LUZP2: variants seen among roughly 807,000 people sequenced by gnomAD.
The protein encoded by LUZP2 is leucine zipper protein 2.
Under a neutral mutation model 51.6 loss-of-function variants are expected in LUZP2, and 52 were observed. The observed-to-expected ratio is 1.01, with a 90% CI of 0.81 to 1.27. The LOEUF (loss-of-function observed/expected upper bound fraction) is 1.27. Among genes scored for constraint, LUZP2 ranks in the 50% most tolerant of loss-of-function variants. The probability of loss-of-function intolerance (pLI) is 0.00; values close to 1 mark genes in which losing one functional copy is unlikely to be tolerated. For missense variants in LUZP2, 436 were observed against 395.4 expected, an observed-to-expected ratio of 1.10 and a Z score of -0.87; for synonymous variants, 154 against 137.3, an observed-to-expected ratio of 1.12 and a Z score of -0.85.
intron 1 of LUZP2, 58 bp downstream of exon 1, chr11:24,497,363 C>T: frequency 1.5e-6 from 2 of 1,358,032 alleles, no homozygotes; most frequent in Non-Finnish European, 2.0e-6. Context: ...CGAGGTTGGT[C>T]CTACTGTGGG....
intron 5 of LUZP2, among the ~76,000 whole-genome samples, chr11:24,884,851 G>A (rs1013669829): frequency 3.3e-5 from 5 of 152,016 alleles, no homozygotes; most frequent in Non-Finnish European, 7.4e-5. Flanking sequence ...GGTTGTTTTT[G>A]CCCCATTCCC....
At chr11:24,792,530 A>G (rs1386250) in intron 5 of LUZP2, among the ~76,000 whole-genome samples, 107,801 of 151,914 alleles carry the variant, frequency 0.71, 39,632 homozygotes, top group East Asian at 0.85. Flanking sequence ...TTTTTTGCTT[A>G]TATTACCACA....
intron 7 of LUZP2, among the ~76,000 whole-genome samples, chr11:24,937,047 A>AACAC (rs138164177): frequency 0.014 from 2,053 of 149,662 alleles, 18 homozygotes; most frequent in East Asian, 0.036. Flanking sequence ...TGCAATGAGA[A>AACAC]ACACACACAC....
chr11:25,013,344 A>G (rs527608834), intron 9 of LUZP2, among the ~76,000 whole-genome samples: 1 of 152,260 alleles, frequency 6.6e-6, no homozygotes, highest in Admixed American at 6.5e-5. Context: ...AATGTAGTGT[A>G]CTTGGGTGAG....
At chr11:25,073,532 T>G (rs2134058297) in intron 10 of LUZP2, among the ~76,000 whole-genome samples, 1 of 150,628 alleles carries the variant, frequency 6.6e-6, no homozygotes, top group African/African-American at 2.4e-5. Context: ...GTTAGCCTAA[T>G]ACAGGAAAGC....
chr11:24,832,345 A>G (rs1048950024), intron 5 of LUZP2, among the ~76,000 whole-genome samples: 1 of 151,904 alleles, frequency 6.6e-6, no homozygotes, highest in Admixed American at 6.6e-5. Context: ...AAATAAAATA[A>G]AATAATAGTC....
chr11:24,661,259 A>G (rs920341270), intron 1 of LUZP2, among the ~76,000 whole-genome samples: 2 of 152,140 alleles, frequency 1.3e-5, no homozygotes, highest in Non-Finnish European at 2.9e-5. Context: ...ACATTCAATA[A>G]TAAAATGTTA....
intron 7 of LUZP2, among the ~76,000 whole-genome samples, chr11:24,917,429 T>C (rs1300228809): frequency 6.6e-6 from 1 of 152,212 alleles, no homozygotes; most frequent in East Asian, 1.9e-4. Flanking sequence ...TCCTGAATGG[T>C]ATTGCCTAGG....
At chr11:24,940,169 A>G (rs1046924637) in intron 7 of LUZP2, among the ~76,000 whole-genome samples, 1 of 152,208 alleles carries the variant, frequency 6.6e-6, no homozygotes, top group Admixed American at 6.6e-5. Flanking sequence ...ACACATTGAA[A>G]TCTACTACTT....
chr11:24,638,758 AAAAT>A (rs1243295135), intron 1 of LUZP2, among the ~76,000 whole-genome samples: 2 of 151,816 alleles, frequency 1.3e-5, no homozygotes, highest in Non-Finnish European at 2.9e-5. Flanking sequence ...GATTGTTTAA[AAAAT>A]AAAATTGATA....
At position 24,878,983 on chromosome 11, in the gene LUZP2, A is replaced by T. The variant is rs1019011533; in HGVS notation, c.397-27008A>T. Among the ~76,000 whole-genome samples the T allele has an allele frequency of 4.0e-5, 6 of 151,760 alleles. No homozygotes were observed. The East Asian group carries it at 9.7e-4, about 25-fold the overall frequency. On this transcript the variant is annotated intron_variant, in intron 5 of 11. Coordinates refer to ENST00000336930, the MANE Select transcript of LUZP2 (RefSeq NM_001009909.4). ...TATTTATATTTTTATTTATTTATTT[A>T]TTTTTGAGATAGAGTCTCTGTCACC...
chr11:25,010,067 A>G (rs77799273), intron 9 of LUZP2, among the ~76,000 whole-genome samples: 2,576 of 152,266 alleles, frequency 0.017, 38 homozygotes, highest in South Asian at 0.084. Context: ...GTCAATCCCC[A>G]TGTGGTACCA....
intron 5 of LUZP2, among the ~76,000 whole-genome samples, chr11:24,783,718 C>T (rs534307446): frequency 1.3e-5 from 2 of 152,068 alleles, no homozygotes; most frequent in East Asian, 3.9e-4. Flanking sequence ...TCCAGCAGTG[C>T]ACTACCCTTC....
intron 1 of LUZP2, among the ~76,000 whole-genome samples, chr11:24,508,139 A>G (rs1388990703): frequency 1.3e-5 from 2 of 152,244 alleles, no homozygotes; most frequent in Non-Finnish European, 1.5e-5. Flanking sequence ...TTACTTGGCC[A>G]ACATTATAAC....
intron 9 of LUZP2, among the ~76,000 whole-genome samples, chr11:24,996,565 TTTTCTTTTTTTATTTTATTTTATTTTA>T (rs1391205153): frequency 6.7e-6 from 1 of 149,582 alleles, no homozygotes; most frequent in Non-Finnish European, 1.5e-5. Flanking sequence ...TATTTTTCTT[TTTTCTTTTTTTATTTTATTTTATTTTA>T]TTTTATTTTA....
chr11:24,798,798 G>A (rs1217478808), intron 5 of LUZP2, among the ~76,000 whole-genome samples: 3 of 121,910 alleles, frequency 2.5e-5, no homozygotes, highest in African/African-American at 9.5e-5. Context: ...GCAGCTGCAG[G>A]TCTGGCTTTT....
intron 5 of LUZP2, among the ~76,000 whole-genome samples, chr11:24,904,256 T>C (rs1853369808): frequency 6.6e-6 from 1 of 152,174 alleles, no homozygotes; most frequent in Admixed American, 6.5e-5. Flanking sequence ...TTTGTTTGTC[T>C]TCCTGTGAGA....
In LUZP2 at chr11:24,767,437, A is replaced by T. The variant is rs76975805; in HGVS notation, c.396+4129A>T. On this transcript the variant is annotated intron_variant, in intron 5 of 11. Coordinates refer to ENST00000336930, the MANE Select transcript of LUZP2 (RefSeq NM_001009909.4). ...AAATACAGTGGAAGGTTTTTATGTGACTAAAATAGAAGTGAAGCAAAGAAA... is the reference window on the plus strand; with the variant it reads ...AAATACAGTGGAAGGTTTTTATGTGTCTAAAATAGAAGTGAAGCAAAGAAA... Among the ~76,000 whole-genome samples the T allele has an allele frequency of 6.5e-3, 995 of 152,340 alleles. 7 individuals are homozygous for T. Among genetic ancestry groups the T allele is most frequent in the African/African-American group, 0.024 (977 of 41,568 alleles).
chr11:24,932,567 C>A (rs1854484884), intron 7 of LUZP2, among the ~76,000 whole-genome samples: 1 of 152,062 alleles, frequency 6.6e-6, no homozygotes, highest in African/African-American at 2.4e-5. Flanking sequence ...ATGCAGGCTG[C>A]CAGGGAAGTG....
Sources: allele counts gnomAD v4.1 joint callset (sites outside exome capture counted in the v4.1 genomes callset), GRCh38; gene constraint gnomAD v4.1.1; transcripts MANE v1.5; gene names NCBI Gene and HGNC (gene_info 2026-07-23, HGNC 2026-07-21).